Variants in LSM14B observed in about 807,000 individuals in gnomAD.
The protein encoded by LSM14B is LSM family member 14B.
A neutral mutation model predicts 42.1 loss-of-function variants in LSM14B; 8 were observed. That is an observed-to-expected ratio of 0.19 (90% CI 0.11 to 0.34). LSM14B has a LOEUF of 0.34. LSM14B is among the 10% of genes least tolerant of loss of function. The pLI, the probability that LSM14B is intolerant of heterozygous loss-of-function variation, is 1.00. For missense variants in LSM14B, 396 were observed against 513.1 expected (o/e 0.77, Z 2.21); for synonymous variants, 219 against 209.7 (o/e 1.04, Z -0.38).
chr20:62,130,012 C>T lies in LSM14B; in HGVS notation c.595+60C>T, dbSNP rs2056719300. On this transcript the variant is annotated intron_variant, in intron 4 of 8. Transcript: ENST00000279068. The surrounding 1 kb of genome is among the most constrained non-coding windows in gnomAD (Gnocchi z 4.1). ...ATGTTCTAAAAGTGGCACACTACTT[C>T]CTGGGCTATTTTTTTTTTTTTAATT... The T allele has an allele frequency of 6.7e-7, 1 of 1,495,038 alleles. No individual in the cohort carries two copies. The highest frequency in any genetic ancestry group is 1.4e-5 in the African/African-American group (1 of 69,920). 92.6% of individuals were successfully genotyped at this position (1,495,038 alleles called of 1,614,324 possible). A position where few individuals can be genotyped will look rare whatever the true frequency, so the allele number is the denominator to read the frequency against.
chr20:62,127,155 G>A (rs1340397320), intron 3 of LSM14B, among the ~76,000 whole-genome samples: 1 of 152,176 alleles, frequency 6.6e-6, no homozygotes, highest in Non-Finnish European at 1.5e-5. Flanking sequence ...TTATTCTACT[G>A]TAAGTGCCTC....
chr20:62,132,417 C>T (rs536209872), intron 7 of LSM14B, among the ~76,000 whole-genome samples: 6 of 152,262 alleles, frequency 3.9e-5, no homozygotes, highest in Admixed American at 2.6e-4. Flanking sequence ...TGTTTTACGG[C>T]GTCCTTGGTG....
At chr20:62,125,549 T>A (rs187389101) in intron 2 of LSM14B, among the ~76,000 whole-genome samples, 18 of 152,396 alleles carry the variant, frequency 1.2e-4, no homozygotes, top group Non-Finnish European at 1.5e-4. Flanking sequence ...GCAAGTCTGA[T>A]GCCATGTGCC....
chr20:62,131,383 A>G lies in LSM14B; in HGVS notation c.863A>G (p.Lys288Arg). 1.2e-6 allele frequency: 2 copies of G among 1,607,634 alleles called. No individual in the cohort carries two copies. The highest frequency in any genetic ancestry group is 1.7e-6 in the Non-Finnish European group (2 of 1,176,660). Residue 288 changes from lysine (K) to arginine (R), a missense_variant, in exon 7 of 9, where the codon AAG becomes AGG. Physicochemically the swap from Lys to Arg is conservative, Grantham distance 26 (BLOSUM62 2). Transcript: ENST00000279068. ...KDDKAEKGEE[K>R]DLAVVTQSAE... The stretch of plus-strand genomic sequence containing the variant: ...GACAAGGCTGAGAAGGGGGAAGAGA[A>G]GGACCTGGCTGTGGTGACCCAGAGT...
intron 2 of LSM14B, 76 bp downstream of exon 2, chr20:62,124,856 T>A (rs954338354): frequency 4.3e-5 from 62 of 1,439,836 alleles, no homozygotes; most frequent in African/African-American, 1.4e-5. Flanking sequence ...GCATGTTTGG[T>A]CAGAACGCTC....
chr20:62,129,534 G>A (rs2056702761), intron 3 of LSM14B, among the ~76,000 whole-genome samples: 1 of 152,158 alleles, frequency 6.6e-6, no homozygotes, highest in South Asian at 2.1e-4. Context: ...GAAGCTCAGG[G>A]CTTTGGGAGT....
Position 62,130,153 on chromosome 20 carries a change from C to T in LSM14B, c.596-66C>T. The T allele has an allele frequency of 2.6e-6, 4 of 1,544,064 alleles. No individual in the cohort carries two copies. The highest frequency in any genetic ancestry group is 3.5e-6 in the Non-Finnish European group (4 of 1,141,386). Reference sequence around the variant, plus strand: ...GCCCCATGGTGGTGGGGCCTGCTTCCACAGCTGGGTTCTGGCTTCCGGCTG... The same window carrying T: ...GCCCCATGGTGGTGGGGCCTGCTTCTACAGCTGGGTTCTGGCTTCCGGCTG... On this transcript the variant is annotated intron_variant, in intron 4 of 8. Coordinates refer to ENST00000279068, the MANE Select transcript of LSM14B (RefSeq NM_144703.3). This position sits in a 1 kb window ranked among gnomAD's most constrained non-coding sequence, Gnocchi z 4.1.
intron 1 of LSM14B, 107 bp from the exon 2 acceptor site, chr20:62,124,510 G>T: frequency 8.2e-7 from 1 of 1,223,440 alleles, no homozygotes; most frequent in Non-Finnish European, 1.1e-6. Context: ...CTGTGTTGTG[G>T]CTCTGAGCAA....
intron 2 of LSM14B, among the ~76,000 whole-genome samples, chr20:62,125,006 G>A (rs1043036556): frequency 3.3e-5 from 5 of 151,976 alleles, no homozygotes; most frequent in Admixed American, 2.0e-4. Flanking sequence ...TCAGCCTCCC[G>A]AGTAGCTGGG....
In LSM14B at chr20:62,126,342, G is replaced by T. The variant is rs780769829; in HGVS notation, c.330G>T (p.Pro110=). The change falls in exon 3 of 9, where the codon CCG becomes CCT. Residue 110 remains proline, a synonymous_variant. Coordinates refer to ENST00000279068, the MANE Select transcript of LSM14B (RefSeq NM_144703.3). ...LGSASASPFQ[P]HVPYSPFRGM... ...CTGCCTCCGCCTCGCCCTTCCAGCC[G>T]CACGTGCCTTACAGCCCTTTCCGAG... 6.2e-7 allele frequency: 1 copy of T among 1,613,702 alleles called. No homozygotes were observed. Among genetic ancestry groups the T allele is most frequent in the Non-Finnish European group, 8.5e-7 (1 of 1,179,894 alleles).
Position 62,133,391 on chromosome 20 carries a change from G to T in LSM14B, c.1088G>T (p.Arg363Leu). 3 of 1,613,532 alleles carry T rather than the reference G, an allele frequency of 1.9e-6. No individual in the cohort carries two copies. Among genetic ancestry groups the T allele is most frequent in the South Asian group, 2.2e-5 (2 of 91,074 alleles). ...LRGRSSRGGFRGGRGNGTTRR... is the reference protein window; with the variant it reads ...LRGRSSRGGFLGGRGNGTTRR... ...GGCCGCAGTTCTCGGGGCGGATTCC[G>T]AGGAGGCAGGGGCAATGGGACCACC... The change falls in exon 8 of 9, where the codon CGA (arginine) becomes CTA (leucine). Residue 363 changes from arginine (R) to leucine (L), a missense_variant. Transcript: ENST00000279068.
At chr20:62,133,200 C>T in intron 7 of LSM14B, 90 bp from the exon 8 acceptor site, 1 of 1,506,368 alleles carries the variant, frequency 6.6e-7, no homozygotes. Flanking sequence ...TGAGTCTGTC[C>T]CTCCTTCCCT....
chr20:62,130,736 C>G lies in LSM14B; in HGVS notation c.835+45C>G. 1 of 1,586,832 alleles carries G rather than the reference C, an allele frequency of 6.3e-7. No homozygotes were observed. ...AATTATTCTCTGCACAGGAGTACCC[C>G]TAGAGAGTGTTAGGAGGAGATGCCT... On this transcript the variant is annotated intron_variant, in intron 6 of 8. Transcript: ENST00000279068. The surrounding 1 kb of genome is among the most constrained non-coding windows in gnomAD (Gnocchi z 4.1).
Position 62,134,476 on chromosome 20 carries a change from T to C in LSM14B, c.*328T>C. 25 of 29,006 alleles carry C rather than the reference T, an allele frequency of 8.6e-4. No individual in the cohort carries two copies. The highest frequency in any genetic ancestry group is 4.1e-3 in the South Asian group (8 of 1,930). 1.8% of individuals were successfully genotyped at this position (29,006 alleles called of 1,614,324 possible). Reference sequence around the variant, plus strand: ...AAAGCTGAATCCTTACTTTGTGACTTTTTTTTTTTTTTTTAATGACAAGCT... The same window carrying C: ...AAAGCTGAATCCTTACTTTGTGACTCTTTTTTTTTTTTTTAATGACAAGCT... On this transcript the variant is annotated 3_prime_UTR_variant, in exon 9 of 9. Coordinates refer to ENST00000279068, the MANE Select transcript of LSM14B (RefSeq NM_144703.3).
Position 62,123,737 on chromosome 20 carries a change from C to T in LSM14B, c.128-880C>T, listed in dbSNP as rs561446365. ...GTGTCTAGACGCGTCTGAAACGCTG[C>T]TTAGGTCACAGGGAACTTCATGTGT... On this transcript the variant is annotated intron_variant, in intron 1 of 8. Transcript: ENST00000279068. Among the ~76,000 whole-genome samples, 5 of 152,348 alleles carry T rather than the reference C, an allele frequency of 3.3e-5. No homozygotes were observed. In the South Asian group the frequency reaches 1.0e-3, roughly 32 times the overall value.
rs2056646801 is a variant in LSM14B, at chr20:62,127,729, C to A, written c.427+1290C>A. The A allele has an allele frequency of 2.8e-6, 4 of 1,441,628 alleles. No individual in the cohort carries two copies. The East Asian group carries it at 7.4e-5, about 27-fold the overall frequency. The allele number at this position is 1,441,628 out of a possible 1,614,324, so 89.3% of individuals were successfully genotyped here. On this transcript the variant is annotated intron_variant, in intron 3 of 8. Transcript: ENST00000279068. ...AACAGCAGTTTGGGAGAACTGCATGCTGTCTTGCAAACCATTCTGAGAGCG... is the reference window on the plus strand; with the variant it reads ...AACAGCAGTTTGGGAGAACTGCATGATGTCTTGCAAACCATTCTGAGAGCG...
chr20:62,129,931 C>T lies in LSM14B; in HGVS notation c.574C>T (p.Pro192Ser), dbSNP rs568513718. The T allele has an allele frequency of 2.5e-5, 40 of 1,612,936 alleles. No individual in the cohort carries two copies. The South Asian group carries it at 3.2e-4, about 13-fold the overall frequency. The change falls in exon 4 of 9, where the codon CCG becomes TCG. Residue 192 changes from proline (P) to serine (S), a missense_variant. This residue lies in a region of LSM14B where 274 missense variants were observed against 335.8 expected (regional missense o/e 0.82). Transcript: ENST00000279068. The part of the protein sequence containing the change: ...GTQLNGRQAQ[P>S]SSKTASDVVQ... ...GCAGCTCAACGGTCGTCAGGCCCAG[C>T]CGAGCAGCAAGACGGCCAGCGGTAC...
In LSM14B at chr20:62,130,949, C is replaced by G. The variant is rs760631460; in HGVS notation, c.835+258C>G. Among the ~76,000 whole-genome samples, 3 of 152,142 alleles carry G rather than the reference C, an allele frequency of 2.0e-5. No individual in the cohort carries two copies. The highest frequency in any genetic ancestry group is 2.9e-5 in the Non-Finnish European group (2 of 68,020). ...ATCCCAGCTACTCGGGAGACTGAGA[C>G]AGGAGAATCGTTTGAACCCAGGAGG... is the stretch of plus-strand genomic sequence containing the variant. On this transcript the variant is annotated intron_variant, in intron 6 of 8. Coordinates refer to ENST00000279068, the MANE Select transcript of LSM14B (RefSeq NM_144703.3). This position sits in a 1 kb window ranked among gnomAD's most constrained non-coding sequence, Gnocchi z 4.1.
chr20:62,134,506 C>A lies in LSM14B; in HGVS notation c.*358C>A. 1 of 319,928 alleles carries A rather than the reference C, an allele frequency of 3.1e-6. No homozygotes were observed. Among genetic ancestry groups the A allele is most frequent in the South Asian group, 2.4e-5 (1 of 41,790 alleles). 19.8% of individuals were successfully genotyped at this position (319,928 alleles called of 1,614,324 possible). A position where few individuals can be genotyped will look rare whatever the true frequency, so the allele number is the denominator to read the frequency against. On this transcript the variant is annotated 3_prime_UTR_variant, in exon 9 of 9. Transcript: ENST00000279068. ...TTTTTTTTTTAATGACAAGCTTTGACTTTTAAAAGTGGAACCAAATCTGTT... is the reference window on the plus strand; with the variant it reads ...TTTTTTTTTTAATGACAAGCTTTGAATTTTAAAAGTGGAACCAAATCTGTT...
Sources: allele counts gnomAD v4.1 joint callset (sites outside exome capture counted in the v4.1 genomes callset), GRCh38; gene constraint gnomAD v4.1.1; regional missense constraint gnomAD v4.1.1; non-coding constraint Gnocchi (gnomAD v3.1); transcripts MANE v1.5; gene names NCBI Gene and HGNC (gene_info 2026-07-23, HGNC 2026-07-21).